MARCHF1: variants seen among roughly 807,000 people sequenced by gnomAD.
MARCHF1 encodes the protein E3 ubiquitin-protein ligase MARCHF1.
Under a neutral mutation model 54.2 loss-of-function variants are expected in MARCHF1, and 40 were observed. The observed-to-expected ratio is 0.74, with a 90% confidence interval of 0.57 to 0.96. The LOEUF (loss-of-function observed/expected upper bound fraction) is 0.96, where lower values mean the gene tolerates loss of function less well. Among genes scored for constraint, MARCHF1 ranks in the 40% least tolerant of loss-of-function variants. MARCHF1 has a pLI of 0.00. For synonymous variants in MARCHF1, 236 were observed against 236.3 expected (o/e 1.00, Z 0.01); for missense variants, 586 against 656.5 (o/e 0.89, Z 1.17).
At chr4:163,809,456 G>T (rs1353962586) in intron 4 of MARCHF1, among the ~76,000 whole-genome samples, 1 of 151,978 alleles carries the variant, frequency 6.6e-6, no homozygotes, top group Non-Finnish European at 1.5e-5. Context: ...TACCATTTCT[G>T]CCCATCTCTT....
chr4:163,596,900 T>C (rs116530078), intron 7 of MARCHF1, among the ~76,000 whole-genome samples: 197 of 152,300 alleles, frequency 1.3e-3, no homozygotes, highest in African/African-American at 4.3e-3. Flanking sequence ...AATTTACATT[T>C]TCCCAGTGTG....
At chr4:163,741,740 G>C (rs937843136) in intron 4 of MARCHF1, among the ~76,000 whole-genome samples, 1 of 152,174 alleles carries the variant, frequency 6.6e-6, no homozygotes, top group Non-Finnish European at 1.5e-5. Context: ...GCTTGAAATA[G>C]AGAGGATAAG....
chr4:164,080,946 C>T (rs1423943024), intron 2 of MARCHF1, among the ~76,000 whole-genome samples: 10 of 151,426 alleles, frequency 6.6e-5, no homozygotes, highest in African/African-American at 2.4e-4. Flanking sequence ...TGGTGGCTCA[C>T]GCCTGTAATC....
At chr4:164,368,381 A>AT (rs1283974229) in intron 1 of MARCHF1, among the ~76,000 whole-genome samples, 1 of 151,910 alleles carries the variant, frequency 6.6e-6, no homozygotes, top group Non-Finnish European at 1.5e-5. Flanking sequence ...ACTTATAATG[A>AT]TTATTATCTT....
At chr4:164,079,277 A>G (rs1290128461) in intron 2 of MARCHF1, among the ~76,000 whole-genome samples, 7 of 152,198 alleles carry the variant, frequency 4.6e-5, no homozygotes, top group Admixed American at 4.6e-4. Flanking sequence ...TGGAAGACCA[A>G]TATTTTAAGA....
chr4:164,284,841 C>T (rs565967366), intron 1 of MARCHF1, among the ~76,000 whole-genome samples: 1 of 151,206 alleles, frequency 6.6e-6, no homozygotes, highest in African/African-American at 2.4e-5. Context: ...TTCGATACAA[C>T]ATGAAAAAAT....
chr4:163,606,546 C>T (rs1370143226), intron 7 of MARCHF1, among the ~76,000 whole-genome samples: 3 of 151,884 alleles, frequency 2.0e-5, no homozygotes, highest in Non-Finnish European at 4.4e-5. Context: ...CTTTTATCCT[C>T]CTTTATAAAG....
At chr4:163,638,799 AG>A (rs1242053887) in intron 5 of MARCHF1, among the ~76,000 whole-genome samples, 1 of 152,224 alleles carries the variant, frequency 6.6e-6, no homozygotes, top group Non-Finnish European at 1.5e-5. Context: ...AAACAAAATA[AG>A]GTATGTATAC....
Position 163,528,606 on chromosome 4 carries a change from C to G in MARCHF1, c.*142G>C. On this transcript the variant is annotated 3_prime_UTR_variant, in exon 10 of 10. Coordinates refer to ENST00000514618, the MANE Select transcript of MARCHF1 (RefSeq NM_001394959.1). Reference sequence around the variant, plus strand: ...GGTCTGTTTGTTTTTCTCCTTTCCTCTTTGAACAAAGTCAGGAAAAATGTG... The same window carrying G: ...GGTCTGTTTGTTTTTCTCCTTTCCTGTTTGAACAAAGTCAGGAAAAATGTG... The G allele has an allele frequency of 1.2e-6, 1 of 856,956 alleles. No homozygotes were observed. The highest frequency in any genetic ancestry group is 1.9e-5 in the South Asian group (1 of 53,168). The allele number at this position is 856,956 out of a possible 1,614,324, so 53.1% of individuals were successfully genotyped here. A position where few individuals can be genotyped will look rare whatever the true frequency, so the allele number is the denominator to read the frequency against.
At chr4:163,611,737 C>A (rs894473069) in intron 7 of MARCHF1, among the ~76,000 whole-genome samples, 1 of 152,096 alleles carries the variant, frequency 6.6e-6, no homozygotes, top group Non-Finnish European at 1.5e-5. Context: ...CCTACAGGCT[C>A]TTGCAACCCC....
At chr4:163,888,499 T>C (rs1750587339) in intron 3 of MARCHF1, among the ~76,000 whole-genome samples, 1 of 152,202 alleles carries the variant, frequency 6.6e-6, no homozygotes, top group Admixed American at 6.5e-5. Flanking sequence ...CAAATCAATG[T>C]TCTGGCATCT....
intron 3 of MARCHF1, among the ~76,000 whole-genome samples, chr4:163,922,391 GT>G (rs34052678): frequency 0.014 from 2,075 of 152,190 alleles, 28 homozygotes; most frequent in Middle Eastern, 0.027. Flanking sequence ...TATCGTTGAG[GT>G]TTTTCATGTT....
intron 4 of MARCHF1, among the ~76,000 whole-genome samples, chr4:163,842,724 T>C (rs1749375792): frequency 6.6e-6 from 1 of 152,220 alleles, no homozygotes; most frequent in East Asian, 1.9e-4. Flanking sequence ...ATGTTATTTT[T>C]CTACCCTGTG....
intron 5 of MARCHF1, among the ~76,000 whole-genome samples, chr4:163,696,837 T>C (rs1187783493): frequency 1.3e-5 from 2 of 152,136 alleles, no homozygotes; most frequent in Non-Finnish European, 2.9e-5. Flanking sequence ...TAGATGGAAG[T>C]GATGGCTCTC....
At chr4:163,944,307 G>T (rs1270440098) in intron 3 of MARCHF1, among the ~76,000 whole-genome samples, 1 of 152,052 alleles carries the variant, frequency 6.6e-6, no homozygotes, top group Non-Finnish European at 1.5e-5. Flanking sequence ...TTTAAGGAGG[G>T]AGTTGTCTAG....
intron 5 of MARCHF1, among the ~76,000 whole-genome samples, chr4:163,646,664 T>G (rs1006777063): frequency 1.3e-5 from 2 of 152,086 alleles, no homozygotes; most frequent in African/African-American, 4.8e-5. Context: ...AAAATGTAGT[T>G]TTTTATGTGA....
At chr4:163,715,198 A>G (rs1745221328) in intron 4 of MARCHF1, among the ~76,000 whole-genome samples, 1 of 152,218 alleles carries the variant, frequency 6.6e-6, no homozygotes, top group Non-Finnish European at 1.5e-5. Context: ...TATTGGATTA[A>G]TCAGAGGCAA....
intron 4 of MARCHF1, among the ~76,000 whole-genome samples, chr4:163,762,228 A>G (rs1350534175): frequency 6.6e-6 from 1 of 152,084 alleles, no homozygotes; most frequent in Non-Finnish European, 1.5e-5. Flanking sequence ...TCATTATTTT[A>G]TTTCCCATTT....
chr4:164,006,384 A>G (rs28530749), intron 2 of MARCHF1, among the ~76,000 whole-genome samples: 10,157 of 152,226 alleles, frequency 0.067, 706 homozygotes, highest in East Asian at 0.34. Context: ...AAATACCAGT[A>G]AGCTTGAAGA....
Sources: allele counts gnomAD v4.1 joint callset (sites outside exome capture counted in the v4.1 genomes callset), GRCh38; gene constraint gnomAD v4.1.1; transcripts MANE v1.5; gene names NCBI Gene and HGNC (gene_info 2026-07-23, HGNC 2026-07-21).